SLIT3: variants seen among roughly 807,000 people sequenced by gnomAD.
The protein encoded by SLIT3 is slit homolog 3 protein.
SLIT3 carries 68 observed loss-of-function variants against 184.0 expected under a neutral mutation model. The ratio of observed to expected loss-of-function variants is 0.37; its 90% CI spans 0.30 to 0.45. SLIT3 has a LOEUF of 0.45. SLIT3 is among the 20% of genes least tolerant of loss of function. The probability of loss-of-function intolerance (pLI) is 1.00; values close to 1 mark genes in which losing one functional copy is unlikely to be tolerated. For missense variants in SLIT3, 1,707 were observed against 2,026.0 expected (o/e 0.84, Z 3.02); for synonymous variants, 831 against 828.6 (o/e 1.00, Z -0.05).
At chr5:168,965,045 C>T (rs1367794280) in intron 4 of SLIT3, among the ~76,000 whole-genome samples, 1 of 152,130 alleles carries the variant, frequency 6.6e-6, no homozygotes. Flanking sequence ...GAGAGAGGGC[C>T]TCCTTAAATG....
At chr5:168,884,387 C>T (rs1229251440) in intron 4 of SLIT3, among the ~76,000 whole-genome samples, 1 of 145,364 alleles carries the variant, frequency 6.9e-6, no homozygotes, top group African/African-American at 2.5e-5. Flanking sequence ...GAGCTCTTTA[C>T]ACTTTCTTCA....
chr5:169,187,983 G>C (rs1052089408), intron 4 of SLIT3, among the ~76,000 whole-genome samples: 1 of 152,078 alleles, frequency 6.6e-6, no homozygotes, highest in African/African-American at 2.4e-5. Context: ...TTTGAGATGG[G>C]GTCTCACTCT....
At chr5:168,845,885 CTT>C (rs1339899060) in intron 5 of SLIT3, among the ~76,000 whole-genome samples, 1 of 152,150 alleles carries the variant, frequency 6.6e-6, no homozygotes, top group Non-Finnish European at 1.5e-5. Flanking sequence ...CTCCTAGACT[CTT>C]TTAATCTTCT....
intron 4 of SLIT3, among the ~76,000 whole-genome samples, chr5:169,192,319 A>G (rs556155449): frequency 6.6e-6 from 1 of 152,290 alleles, no homozygotes; most frequent in East Asian, 1.9e-4. Flanking sequence ...GGTGTGTCCT[A>G]GAGAAGGCAA....
intron 4 of SLIT3, among the ~76,000 whole-genome samples, chr5:169,031,784 A>C (rs546560259): frequency 2.0e-5 from 3 of 152,214 alleles, no homozygotes; most frequent in Non-Finnish European, 4.4e-5. Context: ...TTGATTGACT[A>C]TCATGATGAC....
intron 6 of SLIT3, among the ~76,000 whole-genome samples, chr5:168,842,468 C>CTTTTTTTTTT (rs1561962519): frequency 2.1e-4 from 13 of 61,306 alleles, no homozygotes; most frequent in African/African-American, 1.5e-3. Context: ...ACCGTTTTTT[C>CTTTTTTTTTT]GTTTTTTTTT....
At chr5:169,169,583 G>A (rs1310326847) in intron 4 of SLIT3, among the ~76,000 whole-genome samples, 1 of 152,286 alleles carries the variant, frequency 6.6e-6, no homozygotes, top group Non-Finnish European at 1.5e-5. Context: ...TCATGGTTCC[G>A]AAAATTAGAG....
At chr5:168,709,096 T>A (rs1762466059) in intron 25 of SLIT3, among the ~76,000 whole-genome samples, 1 of 141,584 alleles carries the variant, frequency 7.1e-6, no homozygotes, top group Admixed American at 7.5e-5. Context: ...TGTTGTTTTC[T>A]GTTTGTTTTT....
intron 4 of SLIT3, among the ~76,000 whole-genome samples, chr5:169,043,144 A>G (rs1315273879): frequency 1.3e-5 from 2 of 152,158 alleles, no homozygotes; most frequent in African/African-American, 4.8e-5. Context: ...ACATATCAGA[A>G]TCTCATTTTA....
chr5:169,014,656 A>G (rs1581305808), intron 4 of SLIT3, among the ~76,000 whole-genome samples: 1 of 152,208 alleles, frequency 6.6e-6, no homozygotes, highest in East Asian at 1.9e-4. Flanking sequence ...TAGGAGCATT[A>G]AGAAGCAACC....
At chr5:169,204,790 A>T (rs928428996) in intron 3 of SLIT3, among the ~76,000 whole-genome samples, 1 of 152,132 alleles carries the variant, frequency 6.6e-6, no homozygotes, top group Non-Finnish European at 1.5e-5. Flanking sequence ...GGGAGAGATG[A>T]GGAGGTATGA....
intron 4 of SLIT3, among the ~76,000 whole-genome samples, chr5:168,891,271 C>T (rs1030794794): frequency 6.6e-6 from 1 of 152,120 alleles, no homozygotes; most frequent in Non-Finnish European, 1.5e-5. Context: ...TAGGCAGAGG[C>T]ACAGGAGAAG....
At chr5:169,268,603 G>A (rs1430573137) in intron 1 of SLIT3, among the ~76,000 whole-genome samples, 1 of 152,166 alleles carries the variant, frequency 6.6e-6, no homozygotes, top group Non-Finnish European at 1.5e-5. Flanking sequence ...AAGGCAACAG[G>A]GCACGGAGTT....
chr5:168,954,744 A>T (rs1581242349), intron 4 of SLIT3, among the ~76,000 whole-genome samples: 1 of 152,182 alleles, frequency 6.6e-6, no homozygotes, highest in African/African-American at 2.4e-5. Flanking sequence ...AGGAGGGGGA[A>T]GTGGCTGGCA....
intron 4 of SLIT3, among the ~76,000 whole-genome samples, chr5:168,926,082 A>G (rs1761812901): frequency 6.6e-6 from 1 of 152,194 alleles, no homozygotes; most frequent in East Asian, 1.9e-4. Flanking sequence ...CAGGATAGCC[A>G]AAAAACTACA....
intron 4 of SLIT3, among the ~76,000 whole-genome samples, chr5:169,177,410 T>C (rs1763018736): frequency 1.3e-5 from 2 of 152,226 alleles, no homozygotes; most frequent in South Asian, 2.1e-4. Flanking sequence ...AGAGATATTA[T>C]TGAAGTCCCT....
At chr5:169,278,956 A>T (rs945354483) in intron 1 of SLIT3, among the ~76,000 whole-genome samples, 4 of 152,188 alleles carry the variant, frequency 2.6e-5, no homozygotes, top group African/African-American at 9.6e-5. Context: ...CCAAGAATTC[A>T]TGGTACGGGG....
intron 4 of SLIT3, among the ~76,000 whole-genome samples, chr5:168,926,758 GGTCAACAAGTGTATGAAAAGGT>G (rs1320302905): frequency 6.6e-6 from 1 of 151,652 alleles, no homozygotes; most frequent in Non-Finnish European, 1.5e-5. Flanking sequence ...ACATACAAAT[GGTCAACAAGTGTATGAAAAGGT>G]GTCAACATCA....
chr5:168,969,087 ATAAT>A (rs1441867853), intron 4 of SLIT3, among the ~76,000 whole-genome samples: 1 of 152,178 alleles, frequency 6.6e-6, no homozygotes, highest in Non-Finnish European at 1.5e-5. Flanking sequence ...AGTAATAATA[ATAAT>A]TAATCATTTT....
Sources: gnomAD v4.1 joint callset for allele counts (sites outside exome capture counted in the v4.1 genomes callset) on GRCh38, gnomAD v4.1.1 for gene constraint, MANE v1.5 for transcripts, NCBI Gene and HGNC (gene_info 2026-07-23, HGNC 2026-07-21) for gene names.